GABRR3: variants seen among roughly 807,000 people sequenced by gnomAD.
The protein encoded by GABRR3 is gamma-aminobutyric acid type A receptor subunit rho3, also known as gamma-aminobutyric acid receptor subunit rho-3.
A neutral mutation model predicts 43.2 loss-of-function variants in GABRR3; 29 were observed. That is an observed-to-expected ratio of 0.67 (90% CI 0.50 to 0.92). The LOEUF is 0.92. Ranked by LOEUF, GABRR3 falls within the 40% of genes least tolerant of loss-of-function variation. The probability of loss-of-function intolerance (pLI) is 0.00; values close to 1 mark genes in which losing one functional copy is unlikely to be tolerated. For synonymous variants in GABRR3, 206 were observed against 195.9 expected, an observed-to-expected ratio of 1.05 and a Z score of -0.43; for missense variants, 576 against 572.3, an observed-to-expected ratio of 1.01 and a Z score of -0.07.
At chr3:98,028,996 C>A (rs1371512894) in intron 2 of GABRR3, among the ~76,000 whole-genome samples, 1 of 151,964 alleles carries the variant, frequency 6.6e-6, no homozygotes, top group African/African-American at 2.4e-5. Flanking sequence ...ACTTTAAATC[C>A]CTTTGTGTCT....
intron 9 of GABRR3, 132 bp from the exon 10 acceptor site, chr3:97,987,114 A>T: frequency 3.0e-6 from 2 of 657,794 alleles, no homozygotes; most frequent in Non-Finnish European, 4.9e-6. Flanking sequence ...TTGTTTTTCA[A>T]CTTATTTTTT....
chr3:97,994,912 A>G (rs1410205706), intron 8 of GABRR3, among the ~76,000 whole-genome samples: 1 of 152,150 alleles, frequency 6.6e-6, no homozygotes, highest in African/African-American at 2.4e-5. Context: ...TCTGTTCAAG[A>G]TTTCACTGGC....
rs1241267093 is a variant in GABRR3, at chr3:97,987,124, T to TC, written c.1105-143_1105-142insG. On this transcript the variant is annotated intron_variant, in intron 9 of 9. Coordinates refer to ENST00000621172, the Ensembl canonical transcript of GABRR3. Reference sequence around the variant, plus strand: ...TGGATTTGTTTTTCAACTTATTTTTTTCTTTATAGAAAATATAGCAGTATC... The same window carrying TC: ...TGGATTTGTTTTTCAACTTATTTTTTCTCTTTATAGAAAATATAGCAGTATC... 1.1e-5 allele frequency: 7 copies of TC among 641,646 alleles called. No individual in the cohort carries two copies. In the African/African-American group the frequency reaches 1.3e-4, roughly 12 times the overall value. The allele number at this position is 641,646 out of a possible 1,614,324, so 39.7% of individuals were successfully genotyped here.
intron 7 of GABRR3, 76 bp downstream of exon 7, chr3:98,007,688 T>C: frequency 2.0e-6 from 3 of 1,532,108 alleles, no homozygotes; most frequent in South Asian, 2.3e-5. Flanking sequence ...ATTCCGGTCT[T>C]TTCGCATGTT....
chr3:98,030,116 A>G (rs77323005), intron 2 of GABRR3, among the ~76,000 whole-genome samples: 1 of 32,098 alleles, frequency 3.1e-5, no homozygotes, highest in Non-Finnish European at 1.0e-4. Flanking sequence ...CTGTCTTGGA[A>G]AAAAAAAAAA....
chr3:98,026,998 T>C (rs1707025804), intron 2 of GABRR3, among the ~76,000 whole-genome samples: 1 of 152,162 alleles, frequency 6.6e-6, no homozygotes, highest in Admixed American at 6.6e-5. Flanking sequence ...AAGAAATCTG[T>C]TTTTGGTAGA....
At chr3:98,019,732 T>A (rs566291276) in intron 3 of GABRR3, among the ~76,000 whole-genome samples, 2 of 152,220 alleles carry the variant, frequency 1.3e-5, no homozygotes, top group African/African-American at 4.8e-5. Flanking sequence ...ATTAGAGGCA[T>A]GTGTCACCAT....
In GABRR3 at chr3:97,986,999, T is replaced by C. The variant is rs768338874; in HGVS notation, c.1105-17A>G. ...CCTAGAAATCTGTCAAAAAACTTTTTTTTAAAGTAGGTCTTGAATATGGTT... is the reference window on the plus strand; with the variant it reads ...CCTAGAAATCTGTCAAAAAACTTTTCTTTAAAGTAGGTCTTGAATATGGTT... On this transcript the variant is annotated splice_polypyrimidine_tract_variant and intron_variant, in intron 9 of 9. Coordinates refer to ENST00000621172, the Ensembl canonical transcript of GABRR3. 11 of 1,513,358 alleles carry C rather than the reference T, an allele frequency of 7.3e-6. No homozygotes were observed. The highest frequency in any genetic ancestry group is 2.4e-5 in the Admixed American group (1 of 41,726). The allele number at this position is 1,513,358 out of a possible 1,614,324, so 93.7% of individuals were successfully genotyped here.
intron 5 of GABRR3, among the ~76,000 whole-genome samples, chr3:98,011,879 T>C (rs953945003): frequency 1.3e-5 from 2 of 152,212 alleles, no homozygotes; most frequent in Admixed American, 1.3e-4. Context: ...GGAATGCACA[T>C]TTTAAAATTA....
intron 6 of GABRR3, among the ~76,000 whole-genome samples, chr3:98,008,143 C>T (rs1462079476): frequency 6.6e-6 from 1 of 152,194 alleles, no homozygotes; most frequent in Non-Finnish European, 1.5e-5. Flanking sequence ...TGTGCCCACA[C>T]AATGAATTGA....
intron 7 of GABRR3, among the ~76,000 whole-genome samples, chr3:98,004,047 G>T (rs1375139582): frequency 6.6e-6 from 1 of 152,246 alleles, no homozygotes; most frequent in Non-Finnish European, 1.5e-5. Flanking sequence ...AGAGAAAAAG[G>T]CTAGAGAGTT....
In GABRR3 at chr3:97,987,127, T is replaced by C; in HGVS notation, c.1105-145A>G. The C allele has an allele frequency of 1.6e-6, 1 of 621,034 alleles. No individual in the cohort carries two copies. The highest frequency in any genetic ancestry group is 2.9e-5 in the East Asian group (1 of 34,628). 38.5% of individuals were successfully genotyped at this position (621,034 alleles called of 1,614,324 possible). A position where few individuals can be genotyped will look rare whatever the true frequency, so the allele number is the denominator to read the frequency against. ...ATTTGTTTTTCAACTTATTTTTTTC[T>C]TTATAGAAAATATAGCAGTATCCTC... On this transcript the variant is annotated intron_variant, in intron 9 of 9. Transcript: ENST00000621172.
exon 9 of GABRR3, chr3:97,992,947 T>A (rs571502145): frequency 3.1e-6 from 5 of 1,613,602 alleles, no homozygotes; most frequent in Admixed American, 1.7e-5. Flanking sequence ...AAGAGGGAGC[T>A]GACCCACAGG....
chr3:98,034,829 A>G (rs1471934938), intron 2 of GABRR3, 34 bp downstream of exon 2: 1 of 1,609,274 alleles, frequency 6.2e-7, no homozygotes, highest in African/African-American at 1.3e-5. Context: ...GAAACTGGGC[A>G]GTAATTCCAT....
intron 6 of GABRR3, 112 bp downstream of exon 6, chr3:98,008,844 A>T: frequency 4.6e-6 from 2 of 437,446 alleles, no homozygotes; most frequent in Non-Finnish European, 8.0e-6. Flanking sequence ...TCAGTTTTGG[A>T]TAAATATATC....
chr3:98,001,833 A>G, intron 7 of GABRR3, 66 bp from the exon 8 acceptor site: 10 of 1,562,360 alleles, frequency 6.4e-6, no homozygotes, highest in Non-Finnish European at 7.9e-6. Context: ...ACTTAGTGAA[A>G]TGACCTGCTT....
intron 2 of GABRR3, among the ~76,000 whole-genome samples, chr3:98,030,408 A>T (rs763839170): frequency 2.0e-5 from 3 of 152,196 alleles, no homozygotes; most frequent in Non-Finnish European, 4.4e-5. Flanking sequence ...TGATTAAAAT[A>T]CCATTATGGT....
At chr3:98,021,680 G>T (rs1392694818) in intron 3 of GABRR3, among the ~76,000 whole-genome samples, 1 of 152,040 alleles carries the variant, frequency 6.6e-6, no homozygotes, top group East Asian at 1.9e-4. Context: ...TTAAAATATA[G>T]TGAAAATTAA....
chr3:98,031,435 G>C (rs1707085236), intron 2 of GABRR3, among the ~76,000 whole-genome samples: 1 of 152,172 alleles, frequency 6.6e-6, no homozygotes, highest in Non-Finnish European at 1.5e-5. Flanking sequence ...GCCACACGAG[G>C]CTCAAGTTCT....
Sources: allele counts gnomAD v4.1 joint callset (sites outside exome capture counted in the v4.1 genomes callset), GRCh38; gene constraint gnomAD v4.1.1; transcripts MANE v1.5; gene names NCBI Gene and HGNC (gene_info 2026-07-23, HGNC 2026-07-21).